Variants in MACROD2 observed in about 807,000 individuals in gnomAD.
MACROD2 encodes ADP-ribose glycohydrolase MACROD2.
A neutral mutation model predicts 70.4 loss-of-function variants in MACROD2; 36 were observed. That is an observed-to-expected ratio of 0.51 (90% confidence interval 0.39 to 0.68). The LOEUF is 0.68. MACROD2 is among the 30% of genes least tolerant of loss of function. The pLI, the probability that MACROD2 is intolerant of heterozygous loss-of-function variation, is 0.00. For missense variants in MACROD2, 496 were observed against 538.4 expected (o/e 0.92, Z 0.78); for synonymous variants, 172 against 178.8 (o/e 0.96, Z 0.30).
intron 8 of MACROD2, chr20:15,619,497 C>T (rs1316204783): frequency 1.3e-4 from 40 of 306,950 alleles, no homozygotes; most frequent in Admixed American, 6.9e-4. Flanking sequence ...CTTGGCCACC[C>T]GCTGGCTTGC....
intron 5 of MACROD2, among the ~76,000 whole-genome samples, chr20:15,037,529 A>C (rs1190666224): frequency 6.6e-6 from 1 of 152,172 alleles, no homozygotes; most frequent in Non-Finnish European, 1.5e-5. Flanking sequence ...GGACTGTCAC[A>C]TGTACATGAT....
Position 14,755,354 on chromosome 20 carries a change from A to G in MACROD2, c.418+70395A>G, listed in dbSNP as rs183281108. 9.6e-4 allele frequency among the ~76,000 whole-genome samples: 146 copies of G among 152,188 alleles called. 1 individual carries two copies. The highest frequency in any genetic ancestry group is 3.0e-3 in the African/African-American group (126 of 41,468). ...CTGGGGCATTTCGGATGAGGTTACC[A>G]TGGTGGGCACATTTCTTGCCTCATG... On this transcript the variant is annotated intron_variant, in intron 5 of 17. Coordinates refer to ENST00000684519, the MANE Select transcript of MACROD2 (RefSeq NM_001351661.2).
At chr20:15,460,110 G>A (rs1333788934) in intron 7 of MACROD2, among the ~76,000 whole-genome samples, 1 of 152,164 alleles carries the variant, frequency 6.6e-6, no homozygotes, top group African/African-American at 2.4e-5. Context: ...TGTTTCTGCT[G>A]TAATTGAACC....
intron 10 of MACROD2, among the ~76,000 whole-genome samples, chr20:15,932,621 AC>A (rs2147317953): frequency 6.6e-6 from 1 of 152,336 alleles, no homozygotes; most frequent in African/African-American, 2.4e-5. Flanking sequence ...CCATGCCTAT[AC>A]TTAACCTTCA....
chr20:14,193,730 T>A (rs973358449), intron 3 of MACROD2, among the ~76,000 whole-genome samples: 1 of 152,196 alleles, frequency 6.6e-6, no homozygotes, highest in Non-Finnish European at 1.5e-5. Context: ...AAAAATACCC[T>A]GACCCTTTTC....
chr20:15,371,593 T>C (rs2045495082), intron 6 of MACROD2, among the ~76,000 whole-genome samples: 2 of 152,264 alleles, frequency 1.3e-5, no homozygotes, highest in East Asian at 1.9e-4. Flanking sequence ...ATCCTAACTA[T>C]GGATGGATAG....
chr20:15,735,689 T>G (rs1052138748), intron 8 of MACROD2, among the ~76,000 whole-genome samples: 3 of 152,212 alleles, frequency 2.0e-5, no homozygotes, highest in Admixed American at 1.3e-4. Flanking sequence ...AGAATTGCAG[T>G]GCATGTTTCC....
At chr20:14,906,149 A>C (rs1005279310) in intron 5 of MACROD2, 2 of 152,216 alleles carry the variant, frequency 1.3e-5, no homozygotes, top group Middle Eastern at 3.4e-3. Context: ...TAAGAGGGAA[A>C]TTTTCTTCTT....
At chr20:15,479,208 G>A (rs1187607826) in intron 7 of MACROD2, among the ~76,000 whole-genome samples, 1 of 150,696 alleles carries the variant, frequency 6.6e-6, no homozygotes. Flanking sequence ...CCTTTGCTAG[G>A]TATCTAATCT....
intron 4 of MACROD2, among the ~76,000 whole-genome samples, chr20:14,577,570 A>G (rs1381754969): frequency 6.6e-6 from 1 of 152,094 alleles, no homozygotes; most frequent in African/African-American, 2.4e-5. Context: ...GTTTGAGGCT[A>G]GGAGTTTGAG....
chr20:14,162,946 G>A (rs1039034446), intron 3 of MACROD2, among the ~76,000 whole-genome samples: 4 of 151,720 alleles, frequency 2.6e-5, no homozygotes, highest in African/African-American at 9.7e-5. Context: ...TATATTCTTT[G>A]TTTCTTTCAT....
chr20:15,114,060 A>C (rs1407592747), intron 5 of MACROD2, among the ~76,000 whole-genome samples: 1 of 152,128 alleles, frequency 6.6e-6, no homozygotes, highest in Non-Finnish European at 1.5e-5. Flanking sequence ...GGTCACCGCT[A>C]TCCAAGGATT....
chr20:14,788,423 A>G (rs1381300548), intron 5 of MACROD2, among the ~76,000 whole-genome samples: 1 of 151,880 alleles, frequency 6.6e-6, no homozygotes, highest in Admixed American at 6.6e-5. Flanking sequence ...CATCTCTACT[A>G]AAAATATAAA....
chr20:14,684,006 TC>T, intron 4 of MACROD2, among the ~76,000 whole-genome samples: 1 of 152,110 alleles, frequency 6.6e-6, no homozygotes, highest in East Asian at 1.9e-4. Flanking sequence ...TCCAGCGACA[TC>T]AAATTTGTGC....
intron 8 of MACROD2, among the ~76,000 whole-genome samples, chr20:15,659,543 C>T (rs995212255): frequency 5.3e-5 from 8 of 151,904 alleles, no homozygotes; most frequent in Non-Finnish European, 1.0e-4. Context: ...ATGCTTGTCA[C>T]CTGGTTGCCT....
chr20:14,069,864 A>T (rs1338821968), intron 2 of MACROD2, among the ~76,000 whole-genome samples: 1 of 151,764 alleles, frequency 6.6e-6, no homozygotes, highest in East Asian at 1.9e-4. Flanking sequence ...AGAGGCTTAA[A>T]GATTGCTTGC....
At chr20:15,616,092 C>T (rs1007839528) in intron 8 of MACROD2, among the ~76,000 whole-genome samples, 1 of 150,662 alleles carries the variant, frequency 6.6e-6, no homozygotes, top group African/African-American at 2.5e-5. Context: ...CCATCAGTTC[C>T]CCATTCTTTT....
chr20:15,008,491 G>C (rs368906502), intron 5 of MACROD2, among the ~76,000 whole-genome samples: 1 of 152,182 alleles, frequency 6.6e-6, no homozygotes, highest in Non-Finnish European at 1.5e-5. Context: ...ATGTTCATCG[G>C]GGAGAATAAG....
chr20:15,080,010 T>A (rs1461212009), intron 5 of MACROD2, among the ~76,000 whole-genome samples: 1 of 152,066 alleles, frequency 6.6e-6, no homozygotes, highest in African/African-American at 2.4e-5. Flanking sequence ...CCCATACACT[T>A]ACCCTGGATC....
Sources: allele counts gnomAD v4.1 joint callset (sites outside exome capture counted in the v4.1 genomes callset), GRCh38; gene constraint gnomAD v4.1.1; transcripts MANE v1.5; gene names NCBI Gene and HGNC (gene_info 2026-07-23, HGNC 2026-07-21).